Variants in SMC1B observed in about 807,000 individuals in gnomAD.
SMC1B encodes the protein structural maintenance of chromosomes 1B, also known as structural maintenance of chromosomes protein 1B.
A neutral mutation model predicts 157.9 loss-of-function variants in SMC1B; 60 were observed. The observed-to-expected ratio is 0.38, with a 90% confidence interval of 0.31 to 0.47. The LOEUF (loss-of-function observed/expected upper bound fraction) is 0.47, where lower values mean the gene tolerates loss of function less well. Ranked by LOEUF, SMC1B falls within the 20% of genes least tolerant of loss-of-function variation. The pLI, the probability that SMC1B is intolerant of heterozygous loss-of-function variation, is 0.99. For synonymous variants in SMC1B, 445 were observed against 483.0 expected, an observed-to-expected ratio of 0.92 and a Z score of 1.03; for missense variants, 1,165 against 1,426.2, an observed-to-expected ratio of 0.82 and a Z score of 2.95.
intron 12 of SMC1B, among the ~76,000 whole-genome samples, chr22:45,377,367 G>A (rs2086892827): frequency 6.6e-6 from 1 of 152,012 alleles, no homozygotes; most frequent in South Asian, 2.1e-4. Flanking sequence ...GCCTGGGCAT[G>A]GTGGCTCATG....
At chr22:45,364,978 C>T (rs2086760903) in intron 15 of SMC1B, among the ~76,000 whole-genome samples, 1 of 151,952 alleles carries the variant, frequency 6.6e-6, no homozygotes, top group African/African-American at 2.4e-5. Context: ...GCTGGGACTA[C>T]AGGCACCTGC....
At chr22:45,370,190 C>G in intron 14 of SMC1B, 130 bp from the exon 15 acceptor site, 1 of 456,252 alleles carries the variant, frequency 2.2e-6, no homozygotes, top group East Asian at 3.7e-5. Flanking sequence ...TTACTGTATT[C>G]TGAGAAGCCA....
At position 45,406,497 on chromosome 22, in the gene SMC1B, G is replaced by A. The variant is rs746547020; in HGVS notation, c.578C>T (p.Ala193Val). Residue 193 changes from alanine (A) to valine (V), a missense_variant, in exon 4 of 25, where the codon GCG (alanine) becomes GTG (valine). Physicochemically the swap from Ala to Val is moderately conservative, Grantham distance 64. Transcript: ENST00000357450. ...TAATTTTGCTTGTCTGCGCTCTGCC[G>A]CTATATTTTTTTTCTTATTAAAGTT... ...QFNFNKKKNIAAERRQAKLEK... is the reference protein window; with the variant it reads ...QFNFNKKKNIVAERRQAKLEK... The A allele has an allele frequency of 9.9e-6, 16 of 1,611,832 alleles. No homozygotes were observed. Among genetic ancestry groups the A allele is most frequent in the Admixed American group, 3.3e-5 (2 of 59,756 alleles).
chr22:45,371,825 G>A (rs2086835655), intron 13 of SMC1B, among the ~76,000 whole-genome samples: 1 of 152,120 alleles, frequency 6.6e-6, no homozygotes, highest in Non-Finnish European at 1.5e-5. Context: ...GTGAAGCCAA[G>A]GTGGGCATAT....
At chr22:45,371,813 T>C (rs1415200392) in intron 13 of SMC1B, among the ~76,000 whole-genome samples, 1 of 152,168 alleles carries the variant, frequency 6.6e-6, no homozygotes, top group Non-Finnish European at 1.5e-5. Context: ...GCTGTAATCT[T>C]TGTGAAGCCA....
intron 5 of SMC1B, 106 bp from the exon 6 acceptor site, chr22:45,399,459 CA>C (rs983118183): frequency 1.8e-6 from 2 of 1,127,492 alleles, no homozygotes; most frequent in Non-Finnish European, 2.5e-6. Flanking sequence ...TCCTAAAAAT[CA>C]ACTTTCAGAG....
In SMC1B at chr22:45,344,670, G is replaced by A; in HGVS notation, c.3607-13C>T. 6.3e-7 allele frequency: 1 copy of A among 1,595,778 alleles called. No individual in the cohort carries two copies. The highest frequency in any genetic ancestry group is 1.1e-5 in the South Asian group (1 of 90,608). On this transcript the variant is annotated splice_polypyrimidine_tract_variant and intron_variant, in intron 24 of 24. Coordinates refer to ENST00000357450, the MANE Select transcript of SMC1B (RefSeq NM_148674.5). ...TGCAGTCATCGTACTAAAATGGAGA[G>A]AAGACAGTTAAAAGTTCCCCTAATT...
rs2086960194 is a variant in SMC1B, at chr22:45,383,590, T to C, written c.1935A>G (p.Leu645=). ...CAGAGATCACTCCAGATTTTAAAAATAATGTTCCATCAAGAGCTACTGTCT... is the reference window on the plus strand; with the variant it reads ...CAGAGATCACTCCAGATTTTAAAAACAATGTTCCATCAAGAGCTACTGTCT... ...RQKTVALDGT[L]FLKSGVISGG... The change falls in exon 12 of 25, where the codon TTA becomes TTG. Residue 645 remains leucine (L), a synonymous_variant. Coordinates refer to ENST00000357450, the MANE Select transcript of SMC1B (RefSeq NM_148674.5). 6.3e-7 allele frequency: 1 copy of C among 1,598,140 alleles called. No homozygotes were observed. Among genetic ancestry groups the C allele is most frequent in the South Asian group, 1.1e-5 (1 of 88,032 alleles).
chr22:45,399,242 G>A lies in SMC1B; in HGVS notation c.966C>T (p.Ser322=), dbSNP rs771093626. 2.4e-5 allele frequency: 39 copies of A among 1,613,738 alleles called. No homozygotes were observed. The South Asian group carries it at 3.7e-4, about 15-fold the overall frequency. Residue 322 remains serine, a synonymous_variant, in exon 6 of 25, where the codon AGC becomes AGT. Transcript: ENST00000357450. The part of the protein sequence containing the change: ...LDVAKKSIKD[S]EKQCSKQEDD... ...CTTCCTGTTTAGAACATTGTTTTTC[G>A]CTGTCCTTTATTGATTTCTTAGCCA...
At chr22:45,396,763 G>A (rs1480359314) in intron 6 of SMC1B, among the ~76,000 whole-genome samples, 5 of 151,266 alleles carry the variant, frequency 3.3e-5, no homozygotes, top group African/African-American at 9.7e-5. Context: ...GCACAATCAC[G>A]GCTCACTGCA....
intron 15 of SMC1B, among the ~76,000 whole-genome samples, chr22:45,365,050 G>C (rs1224552557): frequency 6.6e-6 from 1 of 151,876 alleles, no homozygotes; most frequent in Non-Finnish European, 1.5e-5. Flanking sequence ...TGTTAGCCAG[G>C]ATGGTCTCGA....
intron 10 of SMC1B, among the ~76,000 whole-genome samples, chr22:45,388,314 T>C (rs1395734397): frequency 1.3e-5 from 2 of 152,200 alleles, no homozygotes; most frequent in Non-Finnish European, 1.5e-5. Context: ...GGAAGCAATC[T>C]AAAGTAGTTA....
chr22:45,390,619 C>T (rs1207824505), intron 9 of SMC1B, among the ~76,000 whole-genome samples: 2 of 151,562 alleles, frequency 1.3e-5, no homozygotes, highest in East Asian at 1.9e-4. Flanking sequence ...GCAGGAGAAT[C>T]GCTTGAACTC....
Position 45,348,445 on chromosome 22 carries a change from T to C in SMC1B, c.3495+1283A>G, listed in dbSNP as rs776758764. Among the ~76,000 whole-genome samples, 8 of 152,220 alleles carry C rather than the reference T, an allele frequency of 5.3e-5. No homozygotes were observed. The East Asian group carries it at 1.4e-3, about 26-fold the overall frequency. ...CTGGTCTCAAATAAATAAATAGATA[T>C]AAAAACTGGGAAGGTAGGATTTTAA... is the stretch of plus-strand genomic sequence containing the variant. On this transcript the variant is annotated intron_variant, in intron 23 of 24. Transcript: ENST00000357450.
At chr22:45,395,845 G>A (rs574311745) in intron 7 of SMC1B, among the ~76,000 whole-genome samples, 78 of 152,284 alleles carry the variant, frequency 5.1e-4, no homozygotes, top group African/African-American at 1.6e-3. Context: ...CAACAAGACC[G>A]AAACTCCGTA....
chr22:45,383,727 G>T, intron 11 of SMC1B, 114 bp from the exon 12 acceptor site: 1 of 799,866 alleles, frequency 1.3e-6, no homozygotes, highest in Non-Finnish European at 1.8e-6. Context: ...GCCACTTACT[G>T]AACTTTACTA....
intron 12 of SMC1B, among the ~76,000 whole-genome samples, chr22:45,378,079 T>C (rs1382360184): frequency 3.3e-5 from 5 of 152,092 alleles, no homozygotes; most frequent in Non-Finnish European, 5.9e-5. Context: ...CTATTTTTTT[T>C]AGAGTGACTA....
At position 45,352,535 on chromosome 22, in the gene SMC1B, G is replaced by A. The variant is rs1036103747; in HGVS notation, c.3341C>T (p.Pro1114Leu). 22 of 1,613,868 alleles carry A rather than the reference G, an allele frequency of 1.4e-5. No individual in the cohort carries two copies. The highest frequency in any genetic ancestry group is 1.7e-5 in the Non-Finnish European group (20 of 1,179,910). ...GTCCATTGGCATAAACCGTTTGCCT[G>A]GGGCCACACAGTTATAGCTAATTCC... is the stretch of plus-strand genomic sequence containing the variant. The part of the protein sequence containing the change: ...LEGISYNCVA[P>L]GKRFMPMDNL... The change falls in exon 22 of 25, where the codon CCA becomes CTA. Residue 1114 changes from proline to leucine, a missense_variant. By Grantham distance (98) the Pro-to-Leu change is moderately conservative. Transcript: ENST00000357450.
chr22:45,345,663 T>C, intron 23 of SMC1B, 94 bp from the exon 24 acceptor site: 2 of 723,754 alleles, frequency 2.8e-6, no homozygotes, highest in Non-Finnish European at 4.9e-6. Context: ...GTCTGGTCAG[T>C]TTAGGTGACA....
Sources: allele counts gnomAD v4.1 joint callset (sites outside exome capture counted in the v4.1 genomes callset), GRCh38; gene constraint gnomAD v4.1.1; transcripts MANE v1.5; gene names NCBI Gene and HGNC (gene_info 2026-07-23, HGNC 2026-07-21).